Variants in CCDC146 observed in about 807,000 individuals in gnomAD.
CCDC146 encodes the protein coiled-coil domain-containing protein 146.
CCDC146 carries 92 observed loss-of-function variants against 119.3 expected under a neutral mutation model. That is an observed-to-expected ratio of 0.77 (90% CI 0.65 to 0.92). The LOEUF is 0.92. Ranked by LOEUF, CCDC146 falls within the 40% of genes least tolerant of loss-of-function variation. The probability of loss-of-function intolerance (pLI) is 0.00; values close to 1 mark genes in which losing one functional copy is unlikely to be tolerated. For missense variants in CCDC146, 1,000 were observed against 1,103.0 expected, an observed-to-expected ratio of 0.91 and a Z score of 1.32; for synonymous variants, 372 against 371.8, an observed-to-expected ratio of 1.00 and a Z score of -0.01.
chr7:77,261,639 G>A (rs182400575), intron 8 of CCDC146, among the ~76,000 whole-genome samples: 262 of 151,532 alleles, frequency 1.7e-3, no homozygotes, highest in African/African-American at 6.0e-3. Context: ...CACCGCGCCC[G>A]GCTAATTTTT....
chr7:77,295,131 T>C lies in CCDC146; in HGVS notation c.*265T>C. 2.9e-6 allele frequency: 1 copy of C among 350,648 alleles called. No individual in the cohort carries two copies. Among genetic ancestry groups the C allele is most frequent in the Non-Finnish European group, 5.2e-6 (1 of 191,396 alleles). The allele number at this position is 350,648 out of a possible 1,614,324, so 21.7% of individuals were successfully genotyped here. A position where few individuals can be genotyped will look rare whatever the true frequency, so the allele number is the denominator to read the frequency against. ...ATATTTTCTTTTTCACTCTTTATAT[T>C]GAGTACATTCCAGAAATTTGTAGTA... On this transcript the variant is annotated 3_prime_UTR_variant, in exon 19 of 19. Coordinates refer to ENST00000285871, the MANE Select transcript of CCDC146 (RefSeq NM_020879.3).
At position 77,146,410 on chromosome 7, in the gene CCDC146, A is replaced by G. The variant is rs1791020443; in HGVS notation, c.-11-21248A>G. 2.0e-5 allele frequency among the ~76,000 whole-genome samples: 3 copies of G among 149,428 alleles called. No homozygotes were observed. In the South Asian group the frequency reaches 6.3e-4, roughly 31 times the overall value. On this transcript the variant is annotated intron_variant, in intron 1 of 18. Coordinates refer to ENST00000285871, the MANE Select transcript of CCDC146 (RefSeq NM_020879.3). The stretch of plus-strand genomic sequence containing the variant: ...CTTTTAATTGGAGCACTTAGCCCAT[A>G]ACAAGCTTAATATTGTTATGTGTGA...
intron 4 of CCDC146, among the ~76,000 whole-genome samples, chr7:77,248,463 G>C (rs1159787165): frequency 1.3e-5 from 2 of 152,150 alleles, no homozygotes; most frequent in Non-Finnish European, 2.9e-5. Context: ...TTTAGCTCAT[G>C]TTCCTAGATC....
rs1016867186 is a variant in CCDC146, at chr7:77,196,365, C to T, written c.156+28541C>T. On this transcript the variant is annotated intron_variant, in intron 2 of 18. Transcript: ENST00000285871. The surrounding 1 kb of genome is among the most constrained non-coding windows in gnomAD (Gnocchi z 4.2). ...CCACCAGGGTGTGCCTCACTTACAC[C>T]AGGCCAGGTACCCCAGAAAATCCCA... 1 of 1,613,998 alleles carries T rather than the reference C, an allele frequency of 6.2e-7. No homozygotes were observed. The highest frequency in any genetic ancestry group is 8.5e-7 in the Non-Finnish European group (1 of 1,180,026).
chr7:77,155,602 C>A (rs1237201867), intron 1 of CCDC146, among the ~76,000 whole-genome samples: 1 of 152,100 alleles, frequency 6.6e-6, no homozygotes, highest in Non-Finnish European at 1.5e-5. Flanking sequence ...TTGGGCACAT[C>A]ATTTATACTC....
At chr7:77,282,898 A>T in intron 15 of CCDC146, 113 bp downstream of exon 15, 1 of 690,446 alleles carries the variant, frequency 1.4e-6, no homozygotes, top group Non-Finnish European at 2.5e-6. Flanking sequence ...TGGGACCTAT[A>T]AGAATCCATC....
intron 2 of CCDC146, among the ~76,000 whole-genome samples, chr7:77,204,086 G>A (rs1792042831): frequency 6.6e-6 from 1 of 151,702 alleles, no homozygotes; most frequent in Non-Finnish European, 1.5e-5. Flanking sequence ...TAAATTTAAT[G>A]ATAGTCGTAT....
chr7:77,273,721 A>G lies in CCDC146; in HGVS notation c.1201A>G (p.Thr401Ala). The G allele has an allele frequency of 1.2e-6, 2 of 1,611,034 alleles. No individual in the cohort carries two copies. The highest frequency in any genetic ancestry group is 1.7e-6 in the Non-Finnish European group (2 of 1,178,088). ...GGAAGCTATCCCCAAAGATGATTCT[A>G]CATTATCTGAGAGAAGGCGAGAGCT... is the stretch of plus-strand genomic sequence containing the variant. ...EMEAIPKDDSTLSERRRELHK... is the reference protein window; with the variant it reads ...EMEAIPKDDSALSERRRELHK... Residue 401 changes from threonine to alanine, a missense_variant, in exon 10 of 19, where the codon ACA becomes GCA. Physicochemically the swap from Thr to Ala is moderately conservative, Grantham distance 58 (BLOSUM62 0). Transcript: ENST00000285871.
At chr7:77,266,278 A>T (rs1793401003) in intron 9 of CCDC146, among the ~76,000 whole-genome samples, 1 of 152,146 alleles carries the variant, frequency 6.6e-6, no homozygotes, top group African/African-American at 2.4e-5. Flanking sequence ...TAGCAATTTC[A>T]TCTCCCTTTG....
Position 77,220,774 on chromosome 7 carries a change from A to C in CCDC146, c.157-16173A>C, listed in dbSNP as rs531478744. 2.1e-4 allele frequency among the ~76,000 whole-genome samples: 32 copies of C among 152,314 alleles called. 2 individuals carry two copies. The highest frequency in any genetic ancestry group is 3.4e-3 in the Middle Eastern group (1 of 294). ...CTTTGATACTTAAATTTGGCCCACC[A>C]ATCTACTGAAGTGATTTCTGTTGAG... On this transcript the variant is annotated intron_variant, in intron 2 of 18. Transcript: ENST00000285871.
rs1162542470 is a variant in CCDC146 at position 77,196,156 on chromosome 7, G to A, written c.156+28332G>A. Reference sequence around the variant, plus strand: ...TTATTTCAAATGCTGTGTAGCATAAGAACCTAGCCGTCAGACATCATTTTT... The same window carrying A: ...TTATTTCAAATGCTGTGTAGCATAAAAACCTAGCCGTCAGACATCATTTTT... On this transcript the variant is annotated intron_variant, in intron 2 of 18. Coordinates refer to ENST00000285871, the MANE Select transcript of CCDC146 (RefSeq NM_020879.3). This position sits in a 1 kb window ranked among gnomAD's most constrained non-coding sequence, Gnocchi z 4.2. 17 of 691,962 alleles carry A rather than the reference G, an allele frequency of 2.5e-5. No individual in the cohort carries two copies. The highest frequency in any genetic ancestry group is 3.6e-5 in the African/African-American group (2 of 55,584). The allele number at this position is 691,962 out of a possible 1,614,324, so 42.9% of individuals were successfully genotyped here. A position where few individuals can be genotyped will look rare whatever the true frequency, so the allele number is the denominator to read the frequency against.
chr7:77,131,837 G>T, intron 1 of CCDC146, among the ~76,000 whole-genome samples: 1 of 152,108 alleles, frequency 6.6e-6, no homozygotes, highest in Non-Finnish European at 1.5e-5. Flanking sequence ...TCTGGAAAAG[G>T]CTAAATAAAA....
chr7:77,231,332 C>G (rs1162611982), intron 2 of CCDC146, among the ~76,000 whole-genome samples: 1 of 152,054 alleles, frequency 6.6e-6, no homozygotes, highest in East Asian at 1.9e-4. Flanking sequence ...AGTGAAAGTT[C>G]TCAATTTAAT....
intron 2 of CCDC146, among the ~76,000 whole-genome samples, chr7:77,226,088 G>A (rs183099717): frequency 2.6e-5 from 4 of 152,328 alleles, no homozygotes; most frequent in East Asian, 3.9e-4. Context: ...CTGTGAATGA[G>A]TTAGGTGTGT....
Position 77,286,782 on chromosome 7 carries a change from G to A in CCDC146, c.2149-16G>A. ...CTAGAGCGTTCATTTTAAAGTTAAT[G>A]TTTTTTTCTTAATAGTTTTCACAGT... is the stretch of plus-strand genomic sequence containing the variant. On this transcript the variant is annotated splice_polypyrimidine_tract_variant and intron_variant, in intron 15 of 18. Coordinates refer to ENST00000285871, the MANE Select transcript of CCDC146 (RefSeq NM_020879.3). The A allele has an allele frequency of 6.2e-7, 1 of 1,611,074 alleles. No homozygotes were observed. The highest frequency in any genetic ancestry group is 8.5e-7 in the Non-Finnish European group (1 of 1,178,538).
chr7:77,223,804 G>C (rs1156320457), intron 2 of CCDC146, among the ~76,000 whole-genome samples: 1 of 152,202 alleles, frequency 6.6e-6, no homozygotes, highest in Non-Finnish European at 1.5e-5. Flanking sequence ...AATAGAGCAG[G>C]GTTCCTGTCA....
At chr7:77,289,715 C>T (rs1020951591) in intron 17 of CCDC146, among the ~76,000 whole-genome samples, 4 of 152,230 alleles carry the variant, frequency 2.6e-5, no homozygotes, top group African/African-American at 9.7e-5. Flanking sequence ...TATGGCGCCT[C>T]CTGCAAATTT....
chr7:77,286,993 G>A, intron 16 of CCDC146, 67 bp downstream of exon 16: 1 of 1,522,656 alleles, frequency 6.6e-7, no homozygotes, highest in Non-Finnish European at 9.1e-7. Context: ...GATACCTATG[G>A]TACTGTTTCA....
intron 2 of CCDC146, among the ~76,000 whole-genome samples, chr7:77,222,189 G>A (rs1299188164): frequency 6.6e-6 from 1 of 152,202 alleles, no homozygotes; most frequent in Non-Finnish European, 1.5e-5. Context: ...TATGGTATCA[G>A]TGGGGAAGTT....
Sources: gnomAD v4.1 joint callset for allele counts (sites outside exome capture counted in the v4.1 genomes callset) on GRCh38, gnomAD v4.1.1 for gene constraint, Gnocchi (gnomAD v3.1) non-coding constraint, MANE v1.5 for transcripts, NCBI Gene and HGNC (gene_info 2026-07-23, HGNC 2026-07-21) for gene names.